SPAG16: variants seen among roughly 807,000 people sequenced by gnomAD.
SPAG16 encodes the protein sperm-associated antigen 16 protein.
Under a neutral mutation model 80.4 loss-of-function variants are expected in SPAG16, and 86 were observed. The ratio of observed to expected loss-of-function variants is 1.07; its 90% confidence interval spans 0.90 to 1.28. SPAG16 has a LOEUF of 1.28. Among genes scored for constraint, SPAG16 ranks in the 50% most tolerant of loss-of-function variants. The probability of loss-of-function intolerance (pLI) is 0.00; values close to 1 mark genes in which losing one functional copy is unlikely to be tolerated. For synonymous variants in SPAG16, 294 were observed against 265.9 expected, an observed-to-expected ratio of 1.11 and a Z score of -1.03; for missense variants, 870 against 765.3, an observed-to-expected ratio of 1.14 and a Z score of -1.61.
Position 213,409,038 on chromosome 2 carries a change from A to G in SPAG16, c.942+33919A>G, listed in dbSNP as rs537191643. On this transcript the variant is annotated intron_variant, in intron 9 of 15. Coordinates refer to ENST00000331683, the MANE Select transcript of SPAG16 (RefSeq NM_024532.5). Reference sequence around the variant, plus strand: ...AAAAGAATGGTTATCTTCAAGAGGGAAAAAAAAAAGTGGGGTGGGAGAATT... The same window carrying G: ...AAAAGAATGGTTATCTTCAAGAGGGGAAAAAAAAAGTGGGGTGGGAGAATT... 4.8e-3 allele frequency among the ~76,000 whole-genome samples: 711 copies of G among 147,720 alleles called. 6 individuals are homozygous for G. The highest frequency in any genetic ancestry group is 6.7e-3 in the Non-Finnish European group (448 of 66,894).
chr2:214,192,680 C>A lies in SPAG16; in HGVS notation c.1720+43414C>A, dbSNP rs142790086. On this transcript the variant is annotated intron_variant, in intron 15 of 15. Transcript: ENST00000331683. ...AAGAGACAGTTCTAATATTTTATGG[C>A]ATTTGGGATGGTTTTGTTTTTCTTA... 3.8e-3 allele frequency among the ~76,000 whole-genome samples: 581 copies of A among 151,958 alleles called. 1 individual carries two copies. The highest frequency in any genetic ancestry group is 0.013 in the African/African-American group (551 of 41,448).
chr2:213,558,197 T>C (rs888956942), intron 10 of SPAG16, among the ~76,000 whole-genome samples: 1 of 152,124 alleles, frequency 6.6e-6, no homozygotes, highest in Non-Finnish European at 1.5e-5. Flanking sequence ...ATTAGCCCCA[T>C]AGCCACATTC....
chr2:213,747,221 A>T (rs1051885834), intron 10 of SPAG16, among the ~76,000 whole-genome samples: 7 of 152,224 alleles, frequency 4.6e-5, no homozygotes, highest in African/African-American at 1.7e-4. Flanking sequence ...TATAAAAGAA[A>T]TCTATAAAGA....
At chr2:214,330,646 C>T (rs1247399628) in intron 15 of SPAG16, among the ~76,000 whole-genome samples, 1 of 152,102 alleles carries the variant, frequency 6.6e-6, no homozygotes, top group Non-Finnish European at 1.5e-5. Flanking sequence ...GGGTTTGAAA[C>T]TTTGACCCCT....
chr2:214,253,520 A>G (rs1690454672), intron 15 of SPAG16, among the ~76,000 whole-genome samples: 1 of 152,100 alleles, frequency 6.6e-6, no homozygotes, highest in Non-Finnish European at 1.5e-5. Context: ...TTTTCTGCAT[A>G]TGGCTAGCCA....
At chr2:213,429,621 C>T (rs1418368838) in intron 9 of SPAG16, among the ~76,000 whole-genome samples, 2 of 152,210 alleles carry the variant, frequency 1.3e-5, no homozygotes, top group African/African-American at 2.4e-5. Context: ...TTTGCTACCA[C>T]CATCTTCCAT....
chr2:214,322,943 G>C (rs1249603642), intron 15 of SPAG16, among the ~76,000 whole-genome samples: 1 of 152,090 alleles, frequency 6.6e-6, no homozygotes, highest in African/African-American at 2.4e-5. Context: ...CTGCAAATCC[G>C]GTTACTCACT....
chr2:214,143,778 T>G (rs1028119051), intron 14 of SPAG16, among the ~76,000 whole-genome samples: 4 of 152,194 alleles, frequency 2.6e-5, no homozygotes, highest in Non-Finnish European at 5.9e-5. Flanking sequence ...CAGACCTAAA[T>G]GGAAACTTCT....
At chr2:213,328,124 T>C (rs1413328379) in intron 5 of SPAG16, among the ~76,000 whole-genome samples, 1 of 152,138 alleles carries the variant, frequency 6.6e-6, no homozygotes, top group Non-Finnish European at 1.5e-5. Flanking sequence ...AGTAACCATA[T>C]CTGTTAGCTG....
intron 12 of SPAG16, among the ~76,000 whole-genome samples, chr2:213,985,071 G>A (rs2045938267): frequency 6.6e-6 from 1 of 152,066 alleles, no homozygotes; most frequent in Non-Finnish European, 1.5e-5. Flanking sequence ...GCACAATAAT[G>A]TAAGCTCTAG....
intron 15 of SPAG16, among the ~76,000 whole-genome samples, chr2:214,261,330 T>A (rs1281461823): frequency 6.6e-6 from 1 of 151,778 alleles, no homozygotes; most frequent in East Asian, 1.9e-4. Context: ...GAATTCCCAA[T>A]ACTGATGCAC....
At chr2:213,885,876 A>G (rs565679706) in intron 11 of SPAG16, among the ~76,000 whole-genome samples, 7 of 152,302 alleles carry the variant, frequency 4.6e-5, no homozygotes, top group African/African-American at 1.4e-4. Context: ...CAGAGATCCA[A>G]CAGCTGAGAT....
chr2:213,351,894 A>C (rs902001098), intron 7 of SPAG16, among the ~76,000 whole-genome samples: 5 of 152,044 alleles, frequency 3.3e-5, no homozygotes, highest in African/African-American at 1.2e-4. Flanking sequence ...CCCCATCCAA[A>C]TCTCACCTTG....
At chr2:213,992,411 G>A (rs534991523) in intron 12 of SPAG16, among the ~76,000 whole-genome samples, 10 of 152,210 alleles carry the variant, frequency 6.6e-5, no homozygotes, top group African/African-American at 2.2e-4. Flanking sequence ...GTCTCTTGGT[G>A]TAGTTGGGCC....
At chr2:213,535,669 A>C (rs1394032436) in intron 10 of SPAG16, among the ~76,000 whole-genome samples, 1 of 152,130 alleles carries the variant, frequency 6.6e-6, no homozygotes, top group Admixed American at 6.6e-5. Context: ...TTGATTTGAA[A>C]TGCCAGTTTT....
At chr2:214,246,964 A>G (rs147586826) in intron 15 of SPAG16, among the ~76,000 whole-genome samples, 80 of 152,328 alleles carry the variant, frequency 5.3e-4, no homozygotes, top group African/African-American at 1.9e-3. Context: ...AAAACATGCT[A>G]TAACAATAAT....
At chr2:214,367,935 A>T (rs1367143007) in intron 15 of SPAG16, among the ~76,000 whole-genome samples, 5 of 152,136 alleles carry the variant, frequency 3.3e-5, no homozygotes, top group Non-Finnish European at 4.4e-5. Flanking sequence ...CAATTCTCTG[A>T]CCTATATCTT....
At chr2:213,929,748 A>T (rs956348796) in intron 11 of SPAG16, among the ~76,000 whole-genome samples, 12 of 152,174 alleles carry the variant, frequency 7.9e-5, no homozygotes, top group African/African-American at 2.9e-4. Flanking sequence ...GCACAGCAGC[A>T]GTTTCTCTCT....
chr2:213,718,366 C>G (rs1404161592), intron 10 of SPAG16, among the ~76,000 whole-genome samples: 1 of 152,054 alleles, frequency 6.6e-6, no homozygotes, highest in Non-Finnish European at 1.5e-5. Context: ...GGCACCCCCC[C>G]TGCCTGGGCT....
Sources: allele counts gnomAD v4.1 joint callset (sites outside exome capture counted in the v4.1 genomes callset), GRCh38; gene constraint gnomAD v4.1.1; transcripts MANE v1.5; gene names NCBI Gene and HGNC (gene_info 2026-07-23, HGNC 2026-07-21).